GRID2IP: variants seen among roughly 807,000 people sequenced by gnomAD.
The protein encoded by GRID2IP is Grid2 interacting protein, also known as delphilin.
GRID2IP carries 78 observed loss-of-function variants against 114.3 expected under a neutral mutation model. The observed-to-expected ratio is 0.68, with a 90% CI of 0.57 to 0.82. The LOEUF (loss-of-function observed/expected upper bound fraction) is 0.82, where lower values mean the gene tolerates loss of function less well. Among genes scored for constraint, GRID2IP ranks in the 40% least tolerant of loss-of-function variants. GRID2IP has a pLI of 0.00. For synonymous variants in GRID2IP, 809 were observed against 724.0 expected (o/e 1.12, Z -1.89); for missense variants, 1,727 against 1,678.5 (o/e 1.03, Z -0.51).
chr7:6,520,718 G>T lies in GRID2IP; in HGVS notation c.1128C>A (p.Thr376=), dbSNP rs1175712529. The change falls in exon 7 of 22, where the codon ACC becomes ACA. Residue 376 remains threonine (T), a synonymous_variant. Transcript: ENST00000457091. This position sits in a 1 kb window ranked among gnomAD's most constrained non-coding sequence, Gnocchi z 4.6. ...LDSPNPSSAL[T]SLQWVAEILP... is the part of the protein sequence containing the mutation. The stretch of plus-strand genomic sequence containing the variant: ...GGATCTCCGCCACCCACTGCAGGGA[G>T]GTGAGCGCCGACGACGGGTTGGGTG... The T allele has an allele frequency of 5.8e-6, 9 of 1,551,558 alleles. No homozygotes were observed. The African/African-American group carries it at 1.2e-4, about 21-fold the overall frequency.
intron 15 of GRID2IP, 72 bp from the exon 16 acceptor site, chr7:6,503,759 C>G (rs1434798205): frequency 4.2e-6 from 5 of 1,178,236 alleles, no homozygotes; most frequent in Non-Finnish European, 5.7e-6. Flanking sequence ...ACGGAGAGGG[C>G]AGGGCAGAGG....
intron 20 of GRID2IP, among the ~76,000 whole-genome samples, chr7:6,499,215 C>T (rs1583330022): frequency 1.3e-5 from 2 of 152,282 alleles, no homozygotes; most frequent in Middle Eastern, 6.8e-3. Flanking sequence ...CACTGTGGTG[C>T]CTGAGCCACG....
At chr7:6,505,780 G>T in intron 14 of GRID2IP, 40 bp downstream of exon 14, 1 of 1,314,526 alleles carries the variant, frequency 7.6e-7, no homozygotes, top group Non-Finnish European at 1.1e-6. Context: ...CACAGATGGT[G>T]TGGTATCTGG....
At chr7:6,515,685 G>A (rs1463476855) in intron 7 of GRID2IP, among the ~76,000 whole-genome samples, 2 of 151,318 alleles carry the variant, frequency 1.3e-5, no homozygotes, top group Non-Finnish European at 2.9e-5. Flanking sequence ...GGCTGAGGCA[G>A]GAGAATCGCC....
At position 6,536,529 on chromosome 7, in the gene GRID2IP, G is replaced by A. The variant is rs1779726422; in HGVS notation, c.584+3189C>T. On this transcript the variant is annotated intron_variant, in intron 2 of 21. Coordinates refer to ENST00000457091, the MANE Select transcript of GRID2IP (RefSeq NM_001145118.2). This position sits in a 1 kb window ranked among gnomAD's most constrained non-coding sequence, Gnocchi z 5.3. ...GGGCAGGCGGGCTGGCCCGGGAGGG[G>A]GCAGGAACAGACACCGGCAGCGCTG... Among the ~76,000 whole-genome samples, 1 of 151,922 alleles carries A rather than the reference G, an allele frequency of 6.6e-6. No homozygotes were observed. The highest frequency in any genetic ancestry group is 2.1e-4 in the South Asian group (1 of 4,832).
chr7:6,504,892 T>G, intron 14 of GRID2IP, 22 bp from the exon 15 acceptor site: 2 of 1,549,364 alleles, frequency 1.3e-6, no homozygotes, highest in Non-Finnish European at 1.7e-6. Flanking sequence ...ACTGACAGTT[T>G]ACGGAGGCGG....
At position 6,506,029 on chromosome 7, in the gene GRID2IP, G is replaced by A. The variant is rs1786574864; in HGVS notation, c.2545-122C>T. ...CGAGCAAAAGCACCCATCAGGTGCT[G>A]GGATAAAGCCCGGAGCAGGAGGAGA... On this transcript the variant is annotated intron_variant, in intron 13 of 21. Coordinates refer to ENST00000457091, the MANE Select transcript of GRID2IP (RefSeq NM_001145118.2). The surrounding 1 kb of genome is among the most constrained non-coding windows in gnomAD (Gnocchi z 5.2). The A allele has an allele frequency of 1.5e-6, 1 of 663,730 alleles. No individual in the cohort carries two copies. Among genetic ancestry groups the A allele is most frequent in the Non-Finnish European group, 2.7e-6 (1 of 377,314 alleles). 41.1% of individuals were successfully genotyped at this position (663,730 alleles called of 1,614,324 possible). A position where few individuals can be genotyped will look rare whatever the true frequency, so the allele number is the denominator to read the frequency against.
chr7:6,541,234 C>T (rs1400481479), intron 1 of GRID2IP, among the ~76,000 whole-genome samples: 1 of 152,030 alleles, frequency 6.6e-6, no homozygotes, highest in African/African-American at 2.4e-5. Context: ...GAGGTGACGG[C>T]GTCACGGGGT....
In GRID2IP at chr7:6,526,883, A is replaced by G; in HGVS notation, c.585-114T>C. The G allele has an allele frequency of 8.3e-7, 1 of 1,204,956 alleles. No homozygotes were observed. The highest frequency in any genetic ancestry group is 1.7e-5 in the South Asian group (1 of 57,920). The allele number at this position is 1,204,956 out of a possible 1,614,324, so 74.6% of individuals were successfully genotyped here. A position where few individuals can be genotyped will look rare whatever the true frequency, so the allele number is the denominator to read the frequency against. On this transcript the variant is annotated intron_variant, in intron 2 of 21. Coordinates refer to ENST00000457091, the MANE Select transcript of GRID2IP (RefSeq NM_001145118.2). This position sits in a 1 kb window ranked among gnomAD's most constrained non-coding sequence, Gnocchi z 7.6. ...GCCCTAGGCTCTCCCACCTCTTCCTAGGAGTGGCGGAGGGCTGGGGGGATC... is the reference window on the plus strand; with the variant it reads ...GCCCTAGGCTCTCCCACCTCTTCCTGGGAGTGGCGGAGGGCTGGGGGGATC...
Position 6,532,365 on chromosome 7 carries a change from C to T in GRID2IP, c.585-5596G>A, listed in dbSNP as rs916426815. On this transcript the variant is annotated intron_variant, in intron 2 of 21. Transcript: ENST00000457091. The surrounding 1 kb of genome is among the most constrained non-coding windows in gnomAD (Gnocchi z 4.4). ...TGCCCCGGGGACTTTCCCTCTGTCT[C>T]ACTCAGAGGGACAGCTCCCATGGGG... Among the ~76,000 whole-genome samples, 3 of 152,150 alleles carry T rather than the reference C, an allele frequency of 2.0e-5. No individual in the cohort carries two copies. Among genetic ancestry groups the T allele is most frequent in the Non-Finnish European group, 4.4e-5 (3 of 68,008 alleles).
chr7:6,531,828 T>C (rs1226625637), intron 2 of GRID2IP, among the ~76,000 whole-genome samples: 22 of 152,160 alleles, frequency 1.4e-4, no homozygotes, highest in Non-Finnish European at 3.1e-4. Flanking sequence ...AGAGGGCTGA[T>C]GCTGGGAGGT....
In GRID2IP at chr7:6,523,838, A is replaced by G. The variant is rs978849669; in HGVS notation, c.920-1881T>C. ...TGCACCCAGCCACACCTGGATTCTA[A>G]CAAGGCCCTAGGCCAGGTATCTCTG... On this transcript the variant is annotated intron_variant, in intron 4 of 21. Coordinates refer to ENST00000457091, the MANE Select transcript of GRID2IP (RefSeq NM_001145118.2). The surrounding 1 kb of genome is among the most constrained non-coding windows in gnomAD (Gnocchi z 4.5). Among the ~76,000 whole-genome samples the G allele has an allele frequency of 1.3e-5, 2 of 152,144 alleles. No homozygotes were observed. Among genetic ancestry groups the G allele is most frequent in the Admixed American group, 6.6e-5 (1 of 15,258 alleles).
intron 1 of GRID2IP, among the ~76,000 whole-genome samples, chr7:6,545,636 T>C (rs528146170): frequency 3.3e-5 from 5 of 152,326 alleles, no homozygotes; most frequent in African/African-American, 9.6e-5. Flanking sequence ...ACCATGAGTC[T>C]GTGTAACCGT....
At chr7:6,511,162 TG>T in intron 8 of GRID2IP, 123 bp from the exon 9 acceptor site, 1 of 1,220,010 alleles carries the variant, frequency 8.2e-7, no homozygotes, top group South Asian at 3.1e-5. Flanking sequence ...CTACGGGGCC[TG>T]CCCTGCTTGC....
At chr7:6,537,261 A>T (rs578251161) in intron 2 of GRID2IP, among the ~76,000 whole-genome samples, 1 of 150,738 alleles carries the variant, frequency 6.6e-6, no homozygotes, top group East Asian at 2.0e-4. Context: ...AACTGAGAGC[A>T]GGCCGGGCAC....
At position 6,516,155 on chromosome 7, in the gene GRID2IP, C is replaced by A. The variant is rs1323390305; in HGVS notation, c.1269-1626G>T. On this transcript the variant is annotated intron_variant, in intron 7 of 21. Transcript: ENST00000457091. The surrounding 1 kb of genome is among the most constrained non-coding windows in gnomAD (Gnocchi z 4.3). ...AAATAAAAATAAAGTAGGAGAATAT[C>A]TTTTGACCTAGAAGCAGGGAAGAGC... Among the ~76,000 whole-genome samples, 1 of 151,126 alleles carries A rather than the reference C, an allele frequency of 6.6e-6. No individual in the cohort carries two copies. The highest frequency in any genetic ancestry group is 2.4e-5 in the African/African-American group (1 of 41,282).
At chr7:6,527,465 G>C (rs190482285) in intron 2 of GRID2IP, among the ~76,000 whole-genome samples, 12 of 152,348 alleles carry the variant, frequency 7.9e-5, no homozygotes, top group Admixed American at 5.9e-4. Flanking sequence ...TGCCAGCCAG[G>C]AACTGGCGTT....
rs1014389187 is a variant in GRID2IP at position 6,504,856 on chromosome 7, GC to G, written c.2646del (p.Pro883ArgfsTer28). On this transcript the variant is annotated frameshift_variant, in exon 15 of 22. Transcript: ENST00000457091. LOFTEE classifies it high-confidence loss of function. Reference protein sequence around the residue: ...GTQKPAKPVPGPEPFRKKEVV... With the variant: ...GTQKPAKPVPXPEPFRKKEVV... ...ACCTCCTTCTTCCGGAAGGGCTCCG[GC>G]CCCGGCACCGGTTCTGGAAAAGAAA... The G allele has an allele frequency of 1.3e-6, 2 of 1,551,198 alleles. No individual in the cohort carries two copies. Among genetic ancestry groups the G allele is most frequent in the African/African-American group, 1.4e-5 (1 of 73,038 alleles).
At chr7:6,533,456 T>A (rs7783799) in intron 2 of GRID2IP, among the ~76,000 whole-genome samples, 1 of 150,138 alleles carries the variant, frequency 6.7e-6, no homozygotes, top group Non-Finnish European at 1.5e-5. Flanking sequence ...ATTCCTGGGC[T>A]TAAGTGATCC....
Sources: gnomAD v4.1 joint callset for allele counts (sites outside exome capture counted in the v4.1 genomes callset) on GRCh38, gnomAD v4.1.1 for gene constraint, Gnocchi (gnomAD v3.1) non-coding constraint, MANE v1.5 for transcripts, NCBI Gene and HGNC (gene_info 2026-07-23, HGNC 2026-07-21) for gene names.